KRIT1: variants seen among roughly 807,000 people sequenced by gnomAD.
KRIT1 encodes krev interaction trapped protein 1.
Under a neutral mutation model 95.8 loss-of-function variants are expected in KRIT1, and 45 were observed. The observed-to-expected ratio is 0.47, with a 90% confidence interval of 0.37 to 0.60. The LOEUF is 0.60. Ranked by LOEUF, KRIT1 falls within the 20% of genes least tolerant of loss-of-function variation. The pLI, the probability that KRIT1 is intolerant of heterozygous loss-of-function variation, is 0.00. For synonymous variants in KRIT1, 282 were observed against 278.8 expected, an observed-to-expected ratio of 1.01 and a Z score of -0.11; for missense variants, 788 against 877.5, an observed-to-expected ratio of 0.90 and a Z score of 1.29.
chr7:92,203,093 A>G (rs547354699), intron 17 of KRIT1, among the ~76,000 whole-genome samples: 1 of 152,376 alleles, frequency 6.6e-6, no homozygotes, highest in African/African-American at 2.4e-5. Flanking sequence ...AATTTCCAAC[A>G]AAAGTACTGA....
rs1789902703 is a variant in KRIT1 at position 92,200,486 on chromosome 7, T to G, written c.*250A>C. On this transcript the variant is annotated 3_prime_UTR_variant, in exon 19 of 19. Coordinates refer to ENST00000394505, the MANE Select transcript of KRIT1 (RefSeq NM_194454.3). ...CTCCCACCTTGGCCTCCCTAGTAGC[T>G]AGGATTATAGGCGCCCGCCACCACA... The G allele has an allele frequency of 2.3e-6, 1 of 443,906 alleles. No homozygotes were observed. Among genetic ancestry groups the G allele is most frequent in the Non-Finnish European group, 4.2e-6 (1 of 240,440 alleles). The allele number at this position is 443,906 out of a possible 1,614,324, so 27.5% of individuals were successfully genotyped here. A position where few individuals can be genotyped will look rare whatever the true frequency, so the allele number is the denominator to read the frequency against.
chr7:92,217,876 A>G (rs540312790), intron 14 of KRIT1, among the ~76,000 whole-genome samples: 1 of 152,248 alleles, frequency 6.6e-6, no homozygotes, highest in Admixed American at 6.5e-5. Flanking sequence ...CCCACCTGCA[A>G]TGTACCAGGG....
chr7:92,222,559 G>A (rs1040868087), intron 13 of KRIT1, among the ~76,000 whole-genome samples: 1 of 152,104 alleles, frequency 6.6e-6, no homozygotes, highest in African/African-American at 2.4e-5. Flanking sequence ...AACATTTAAT[G>A]GCATTCAAAT....
chr7:92,210,390 C>T (rs1454949285), intron 17 of KRIT1, among the ~76,000 whole-genome samples: 1 of 152,074 alleles, frequency 6.6e-6, no homozygotes, highest in African/African-American at 2.4e-5. Context: ...GTATTTACAG[C>T]CAACTCATTT....
At chr7:92,230,493 A>G (rs1361612229) in intron 10 of KRIT1, among the ~76,000 whole-genome samples, 1 of 152,212 alleles carries the variant, frequency 6.6e-6, no homozygotes, top group Non-Finnish European at 1.5e-5. Context: ...AACAGATCAA[A>G]AACTCAGAAA....
At chr7:92,225,017 C>T (rs12334168) in intron 12 of KRIT1, among the ~76,000 whole-genome samples, 6,043 of 151,884 alleles carry the variant, frequency 0.04, 405 homozygotes, top group African/African-American at 0.14. Context: ...ATTAGCCGGG[C>T]GTGGTGGCAG....
Position 92,226,643 on chromosome 7 carries a change from T to C in KRIT1, c.1029A>G (p.Lys343=), listed in dbSNP as rs755745647. 1 of 1,613,646 alleles carries C rather than the reference T, an allele frequency of 6.2e-7. No homozygotes were observed. Among genetic ancestry groups the C allele is most frequent in the Non-Finnish European group, 8.5e-7 (1 of 1,179,676 alleles). Residue 343 remains lysine, a synonymous_variant, in exon 11 of 19, where the codon AAA becomes AAG. Coordinates refer to ENST00000394505, the MANE Select transcript of KRIT1 (RefSeq NM_194454.3). ...KVEATRILLE[K]GKCNPNLLNG... ...TTAAAAGGTTTGGATTGCACTTTCC[T>C]TTCTCTAACAATATGCGAGTGGCCT...
intron 5 of KRIT1, 35 bp downstream of exon 5, chr7:92,240,958 T>C: frequency 6.7e-7 from 1 of 1,488,906 alleles, no homozygotes; most frequent in Non-Finnish European, 9.4e-7. Context: ...ACAAGTATTT[T>C]AAACAATGTG....
rs1789776095 is a variant in KRIT1, at chr7:92,199,677, T to C, written c.*1059A>G. 6.6e-6 allele frequency: 1 copy of C among 152,244 alleles called. No individual in the cohort carries two copies. Among genetic ancestry groups the C allele is most frequent in the Non-Finnish European group, 1.5e-5 (1 of 68,038 alleles). The allele number at this position is 152,244 out of a possible 1,614,324, so 9.4% of individuals were successfully genotyped here. ...AAATGTGTCTATGTATGTGTGTGCT[T>C]GTGTGCCAGGCAGTTTTGTGAAATT... is the stretch of plus-strand genomic sequence containing the variant. On this transcript the variant is annotated 3_prime_UTR_variant, in exon 19 of 19. Transcript: ENST00000394505.
At chr7:92,235,855 G>A (rs997990402) in intron 7 of KRIT1, 2 of 466,628 alleles carry the variant, frequency 4.3e-6, no homozygotes, top group African/African-American at 3.9e-5. Context: ...GCATAATACT[G>A]TACATACTTT....
At chr7:92,207,425 G>A (rs1791797687) in intron 17 of KRIT1, among the ~76,000 whole-genome samples, 2 of 151,418 alleles carry the variant, frequency 1.3e-5, no homozygotes, top group African/African-American at 4.9e-5. Flanking sequence ...TGCGATTTTT[G>A]CCATTGTTAT....
chr7:92,213,863 T>C, intron 16 of KRIT1, 29 bp downstream of exon 16: 2 of 1,305,188 alleles, frequency 1.5e-6, no homozygotes, highest in Non-Finnish European at 2.2e-6. Flanking sequence ...GCCTATAAAA[T>C]GTCTTTTCAT....
At chr7:92,236,288 C>T in intron 7 of KRIT1, 125 bp downstream of exon 7, 2 of 679,064 alleles carry the variant, frequency 2.9e-6, no homozygotes, top group South Asian at 3.9e-5. Context: ...GAAAAACTTA[C>T]CATTTTTTAA....
chr7:92,201,228 A>C (rs1034418561), intron 18 of KRIT1, 79 bp downstream of exon 18: 2 of 782,930 alleles, frequency 2.6e-6, no homozygotes, highest in Non-Finnish European at 2.3e-6. Flanking sequence ...CTTGAAGTTA[A>C]ATGGATGTCA....
Position 92,200,818 on chromosome 7 carries a change from CAT to C in KRIT1, c.2143-16_2143-15del. On this transcript the variant is annotated splice_polypyrimidine_tract_variant and intron_variant, in intron 18 of 18. Transcript: ENST00000394505. Reference sequence around the variant, plus strand: ...CACGAGACCAGCCTACAAAGTAAAACATGTCAATAATAAATATAAAACATGTA... The same window carrying C: ...CACGAGACCAGCCTACAAAGTAAAACGTCAATAATAAATATAAAACATGTA... 6.5e-7 allele frequency: 1 copy of C among 1,550,114 alleles called. No homozygotes were observed. Among genetic ancestry groups the C allele is most frequent in the Non-Finnish European group, 8.9e-7 (1 of 1,122,458 alleles).
chr7:92,213,438 T>C (rs1295524494), intron 16 of KRIT1, 37 bp from the exon 17 acceptor site: 1 of 1,401,616 alleles, frequency 7.1e-7, no homozygotes, highest in Admixed American at 1.7e-5. Context: ...ATAAAAGAGA[T>C]ATGAAAGGAA....
intron 14 of KRIT1, among the ~76,000 whole-genome samples, chr7:92,218,948 CTA>C (rs1257459994): frequency 2.6e-5 from 4 of 152,124 alleles, no homozygotes; most frequent in African/African-American, 9.7e-5. Context: ...TTGTTTTCTT[CTA>C]TGAGTTTTAT....
chr7:92,202,924 G>A (rs1184209637), intron 17 of KRIT1, among the ~76,000 whole-genome samples: 2 of 152,134 alleles, frequency 1.3e-5, no homozygotes, highest in Non-Finnish European at 1.5e-5. Context: ...ACAGAGTCAA[G>A]ATATCATACT....
chr7:92,213,599 G>C (rs563943404), intron 16 of KRIT1, among the ~76,000 whole-genome samples, 198 bp from the exon 17 acceptor site: 2 of 151,756 alleles, frequency 1.3e-5, no homozygotes, highest in African/African-American at 2.4e-5. Flanking sequence ...TAAAAATACT[G>C]TCTATGTTAT....
Sources: gnomAD v4.1 joint callset for allele counts (sites outside exome capture counted in the v4.1 genomes callset) on GRCh38, gnomAD v4.1.1 for gene constraint, MANE v1.5 for transcripts, NCBI Gene and HGNC (gene_info 2026-07-23, HGNC 2026-07-21) for gene names.